The following SMC3 variants were observed in gnomAD, a reference collection of about 807,000 sequenced individuals.
SMC3 encodes structural maintenance of chromosomes protein 3.
Under a neutral mutation model 171.8 loss-of-function variants are expected in SMC3, and 20 were observed. The ratio of observed to expected loss-of-function variants is 0.12; its 90% confidence interval spans 0.08 to 0.17. The LOEUF is 0.17. SMC3 is among the 10% of genes least tolerant of loss of function. The probability of loss-of-function intolerance (pLI) is 1.00; values close to 1 mark genes in which losing one functional copy is unlikely to be tolerated. For missense variants in SMC3, 543 were observed against 1,420.4 expected (o/e 0.38, Z 9.93); for synonymous variants, 464 against 451.1 (o/e 1.03, Z -0.36).
chr10:110,578,782 A>G (rs1860992159), intron 7 of SMC3, 76 bp downstream of exon 7: 2 of 1,188,934 alleles, frequency 1.7e-6, no homozygotes, highest in Non-Finnish European at 2.4e-6. Flanking sequence ...TGGTTTATTG[A>G]TTTGAGTGGT....
intron 16 of SMC3, 114 bp from the exon 17 acceptor site, chr10:110,590,877 C>A: frequency 2.1e-6 from 2 of 932,496 alleles, no homozygotes; most frequent in Non-Finnish European, 1.7e-6. Flanking sequence ...TTTAAAAGTG[C>A]ACACCTTTAG....
chr10:110,598,788 T>G (rs1245445916), intron 20 of SMC3, among the ~76,000 whole-genome samples: 2 of 152,180 alleles, frequency 1.3e-5, no homozygotes, highest in Non-Finnish European at 2.9e-5. Flanking sequence ...GTTGGCACGT[T>G]CAAACTTTCC....
intron 18 of SMC3, among the ~76,000 whole-genome samples, chr10:110,595,466 A>G (rs538922944): frequency 1.3e-5 from 2 of 152,326 alleles, no homozygotes; most frequent in African/African-American, 4.8e-5. Flanking sequence ...TAGTGATACT[A>G]GGTTTGATCA....
intron 5 of SMC3, 127 bp from the exon 6 acceptor site, chr10:110,577,708 T>G (rs1029905970): frequency 9.6e-6 from 7 of 725,584 alleles, no homozygotes; most frequent in African/African-American, 1.8e-5. Context: ...ATTTGTAGTA[T>G]TATTTTTAGT....
chr10:110,579,158 A>C (rs1387369982), intron 7 of SMC3, among the ~76,000 whole-genome samples: 1 of 152,186 alleles, frequency 6.6e-6, no homozygotes, highest in Non-Finnish European at 1.5e-5. Context: ...TCAGCAGCCA[A>C]ACTACAAACT....
intron 12 of SMC3, 82 bp from the exon 13 acceptor site, chr10:110,584,101 C>T: frequency 6.6e-7 from 1 of 1,507,760 alleles, no homozygotes; most frequent in African/African-American, 1.4e-5. Flanking sequence ...CTTTATGTTT[C>T]TGTGTGCAGT....
At chr10:110,596,094 CACCT>C (rs902519584) in intron 18 of SMC3, among the ~76,000 whole-genome samples, 1 of 151,294 alleles carries the variant, frequency 6.6e-6, no homozygotes, top group Non-Finnish European at 1.5e-5. Flanking sequence ...TGGTGGTGCA[CACCT>C]GTAGTCCTAG....
chr10:110,598,390 C>A, intron 20 of SMC3, 100 bp downstream of exon 20: 2 of 1,299,690 alleles, frequency 1.5e-6, no homozygotes, highest in Non-Finnish European at 2.2e-6. Context: ...TTTTATGTTT[C>A]ATTTTTGTTT....
At chr10:110,600,950 C>T in intron 22 of SMC3, 72 bp from the exon 23 acceptor site, 1 of 1,084,262 alleles carries the variant, frequency 9.2e-7, no homozygotes, top group Middle Eastern at 2.0e-4. Context: ...AATGTTTATT[C>T]AGACAATAGC....
chr10:110,603,063 G>C (rs894966717), intron 27 of SMC3, 61 bp downstream of exon 27: 1 of 1,580,124 alleles, frequency 6.3e-7, no homozygotes, highest in Non-Finnish European at 8.7e-7. Context: ...ATTTGCTGAT[G>C]TATATATGAA....
chr10:110,576,446 C>T (rs953027509), intron 4 of SMC3, among the ~76,000 whole-genome samples: 1 of 152,096 alleles, frequency 6.6e-6, no homozygotes, highest in African/African-American at 2.4e-5. Context: ...GACATTGGCA[C>T]ATTACCAATG....
chr10:110,591,684 A>G (rs1861207064), intron 17 of SMC3, among the ~76,000 whole-genome samples: 1 of 152,198 alleles, frequency 6.6e-6, no homozygotes, highest in Non-Finnish European at 1.5e-5. Flanking sequence ...TTCTTAGAAC[A>G]GTGTAATTGC....
intron 6 of SMC3, among the ~76,000 whole-genome samples, chr10:110,578,142 C>T (rs1040371924): frequency 1.3e-5 from 2 of 151,992 alleles, no homozygotes; most frequent in East Asian, 1.9e-4. Context: ...GGCGCAGTCT[C>T]GGCTCACTGC....
At chr10:110,592,171 G>A (rs1010518265) in intron 17 of SMC3, among the ~76,000 whole-genome samples, 2 of 151,980 alleles carry the variant, frequency 1.3e-5, no homozygotes, top group Non-Finnish European at 2.9e-5. Context: ...AGGCTGAAGC[G>A]GGAAAATCGC....
intron 18 of SMC3, among the ~76,000 whole-genome samples, chr10:110,594,121 T>C (rs1362710251): frequency 7.0e-6 from 1 of 143,816 alleles, no homozygotes; most frequent in African/African-American, 2.6e-5. Flanking sequence ...TAGCAGGGGT[T>C]CTTAACCTTT....
chr10:110,568,866 G>A (rs1469146765), intron 1 of SMC3, 72 bp from the exon 2 acceptor site: 2 of 895,064 alleles, frequency 2.2e-6, no homozygotes, highest in East Asian at 2.4e-5. Context: ...TGAAAAACAA[G>A]AAAGAAATGC....
chr10:110,590,409 C>T lies in SMC3; in HGVS notation c.1510-3C>T, dbSNP rs1486300693. ...AATATTTTTCATTTCTGACAACTTA[C>T]AGGCCATTTTAAATGGAATAGACAG... On this transcript the variant is annotated splice_region_variant and splice_polypyrimidine_tract_variant and intron_variant, in intron 15 of 28. Coordinates refer to ENST00000361804, the MANE Select transcript of SMC3 (RefSeq NM_005445.4). 3 of 1,612,854 alleles carry T rather than the reference C, an allele frequency of 1.9e-6. No individual in the cohort carries two copies. Among genetic ancestry groups the T allele is most frequent in the East Asian group, 2.2e-5 (1 of 44,856 alleles).
At chr10:110,583,680 C>G in intron 11 of SMC3, 132 bp downstream of exon 11, 1 of 1,181,360 alleles carries the variant, frequency 8.5e-7, no homozygotes, top group Non-Finnish European at 1.2e-6. Flanking sequence ...AATTTGTACT[C>G]AAGTAACAAC....
intron 2 of SMC3, among the ~76,000 whole-genome samples, chr10:110,570,274 G>T (rs1860850495): frequency 6.6e-6 from 1 of 152,204 alleles, no homozygotes; most frequent in Admixed American, 6.5e-5. Flanking sequence ...GTTCAATTCA[G>T]TCTGTGGTGC....
Sources: allele counts gnomAD v4.1 joint callset (sites outside exome capture counted in the v4.1 genomes callset), GRCh38; gene constraint gnomAD v4.1.1; transcripts MANE v1.5; gene names NCBI Gene and HGNC (gene_info 2026-07-23, HGNC 2026-07-21).